ACOT6: variants seen among roughly 807,000 people sequenced by gnomAD.
ACOT6 encodes acyl-coenzyme A thioesterase 6.
Under a neutral mutation model 12.3 loss-of-function variants are expected in ACOT6, and 14 were observed. The ratio of observed to expected loss-of-function variants is 1.14; its 90% CI spans 0.75 to 1.78. The LOEUF is 1.78. ACOT6 is among the 40% of genes most tolerant of loss of function. ACOT6 has a pLI of 0.00. For missense variants in ACOT6, 523 were observed against 551.8 expected, an observed-to-expected ratio of 0.95 and a Z score of 0.52; for synonymous variants, 218 against 231.3, an observed-to-expected ratio of 0.94 and a Z score of 0.52.
chr14:73,617,275 TG>T, intron 2 of ACOT6, 83 bp downstream of exon 2: 1 of 1,565,538 alleles, frequency 6.4e-7, no homozygotes, highest in Non-Finnish European at 8.8e-7. Flanking sequence ...GCCAGAACAC[TG>T]AGAACTAGAA....
At chr14:73,618,208 A>G (rs993243077) in intron 2 of ACOT6, among the ~76,000 whole-genome samples, 14 of 151,986 alleles carry the variant, frequency 9.2e-5, no homozygotes, top group Admixed American at 2.6e-4. Flanking sequence ...AATTATATAT[A>G]CTCTTTGTTA....
At chr14:73,616,538 CAA>C (rs886977391) in intron 1 of ACOT6, among the ~76,000 whole-genome samples, 1 of 151,458 alleles carries the variant, frequency 6.6e-6, no homozygotes, top group Non-Finnish European at 1.5e-5. Flanking sequence ...ACTAAAAATA[CAA>C]AAAAAATTAG....
intron 1 of ACOT6, among the ~76,000 whole-genome samples, chr14:73,615,028 G>A (rs1369653551): frequency 6.7e-6 from 1 of 149,266 alleles, no homozygotes; most frequent in Non-Finnish European, 1.5e-5. Flanking sequence ...GGCAGAGGTT[G>A]CAGTGAGCCA....
intron 1 of ACOT6, among the ~76,000 whole-genome samples, chr14:73,613,882 T>C (rs187206633): frequency 2.0e-5 from 3 of 152,076 alleles, no homozygotes; most frequent in East Asian, 1.9e-4. Flanking sequence ...ATTCCTGACT[T>C]AAACCTCTAC....
intron 2 of ACOT6, among the ~76,000 whole-genome samples, chr14:73,618,188 T>C (rs116564031): frequency 0.015 from 2,261 of 152,186 alleles, 60 homozygotes; most frequent in African/African-American, 0.052. Flanking sequence ...TTTGGTATAA[T>C]TAAAAATGGA....
chr14:73,619,382 T>G lies in ACOT6; in HGVS notation c.809T>G (p.Met270Arg). The G allele has an allele frequency of 1.2e-6, 2 of 1,614,218 alleles. No homozygotes were observed. Among genetic ancestry groups the G allele is most frequent in the Non-Finnish European group, 1.7e-6 (2 of 1,180,038 alleles). Residue 270 changes from methionine to arginine, a missense_variant, in exon 3 of 3, where the codon ATG becomes AGG. Around this residue, in one of 2 missense-constraint regions of ACOT6, gnomAD observed 219 missense variants for 277.0 expected, o/e 0.79. Transcript: ENST00000645972. ...NTVAPLHYKDMIIPKLVDDLG... is the reference protein window; with the variant it reads ...NTVAPLHYKDRIIPKLVDDLG... ...GTAGCTCCTCTACATTACAAGGATA[T>G]GATTATTCCTAAACTTGTCGATGAT...
At position 73,612,763 on chromosome 14, in the gene ACOT6, C is replaced by T; in HGVS notation, c.192C>T (p.Arg64=). Residue 64 remains arginine (R), a synonymous_variant, in exon 1 of 3, where the codon CGC becomes CGT. Transcript: ENST00000645972. The stretch of plus-strand genomic sequence containing the variant: ...CCCGCGACGAGCTGGACCTGGAGCG[C>T]GCGCCCGCGCTGGGAGGCAGCTTCG... ...ADARDELDLE[R]APALGGSFAG... 1 of 1,371,920 alleles carries T rather than the reference C, an allele frequency of 7.3e-7. No individual in the cohort carries two copies. The highest frequency in any genetic ancestry group is 9.3e-7 in the Non-Finnish European group (1 of 1,070,636). The allele number at this position is 1,371,920 out of a possible 1,614,324, so 85.0% of individuals were successfully genotyped here.
chr14:73,618,762 C>A (rs1488898577), intron 2 of ACOT6, among the ~76,000 whole-genome samples: 3 of 152,168 alleles, frequency 2.0e-5, no homozygotes, highest in Non-Finnish European at 4.4e-5. Flanking sequence ...ACTAGGAAAT[C>A]AGTTGATTTG....
upstream of ACOT6, among the ~76,000 whole-genome samples, chr14:73,611,941 C>T (rs2139994496): frequency 1.3e-5 from 2 of 152,130 alleles, no homozygotes; most frequent in South Asian, 4.1e-4. Context: ...TTTTCAAAAT[C>T]TAGATTCTTG....
chr14:73,615,434 CG>C (rs1890522065), intron 1 of ACOT6, among the ~76,000 whole-genome samples: 1 of 105,116 alleles, frequency 9.5e-6, no homozygotes, highest in Non-Finnish European at 1.9e-5. Flanking sequence ...CCAGCAACAA[CG>C]AAAAAAAAAA....
In ACOT6 at chr14:73,619,503, A is replaced by G; in HGVS notation, c.930A>G (p.Pro310=). Residue 310 remains proline (P), a synonymous_variant, in exon 3 of 3, where the codon CCA becomes CCG. Transcript: ENST00000645972. ...AACACAATCACCAAAGTCTTGTTCC[A>G]TTGGAAAAGGCGCAGGTGCCCTTCT... ...LEEHNHQSLV[P]LEKAQVPFLF... The G allele has an allele frequency of 1.9e-6, 3 of 1,614,252 alleles. No individual in the cohort carries two copies. Among genetic ancestry groups the G allele is most frequent in the Non-Finnish European group, 2.5e-6 (3 of 1,180,044 alleles).
At position 73,612,555 on chromosome 14, in the gene ACOT6, G is replaced by A. The variant is rs1034808322; in HGVS notation, c.-17G>A. Reference sequence around the variant, plus strand: ...GACTCCGCGGAGCTGGGTCGCCCCTGTTCTACCCAGATTGGGATGGCAGCG... The same window carrying A: ...GACTCCGCGGAGCTGGGTCGCCCCTATTCTACCCAGATTGGGATGGCAGCG... On this transcript the variant is annotated 5_prime_UTR_variant, in exon 1 of 3. Coordinates refer to ENST00000645972, the MANE Select transcript of ACOT6 (RefSeq NM_001365788.1). 7.4e-7 allele frequency: 1 copy of A among 1,352,210 alleles called. No individual in the cohort carries two copies. Among genetic ancestry groups the A allele is most frequent in the South Asian group, 1.6e-5 (1 of 61,592 alleles). The allele number at this position is 1,352,210 out of a possible 1,614,324, so 83.8% of individuals were successfully genotyped here.
At chr14:73,618,334 C>T (rs552852678) in intron 2 of ACOT6, among the ~76,000 whole-genome samples, 3 of 146,388 alleles carry the variant, frequency 2.0e-5, no homozygotes, top group South Asian at 4.2e-4. Context: ...GAATTCTCTG[C>T]CAAACAGCTC....
Position 73,619,228 on chromosome 14 carries a change from C to G in ACOT6, c.661-6C>G. The G allele has an allele frequency of 6.5e-7, 1 of 1,542,030 alleles. No individual in the cohort carries two copies. The highest frequency in any genetic ancestry group is 8.7e-7 in the Non-Finnish European group (1 of 1,148,258). ...AGCTTGTTTTCCTTCTCTTTTTCCT[C>G]AACAGGTGAAAGGTCCTAGTATTGC... On this transcript the variant is annotated splice_polypyrimidine_tract_variant and splice_region_variant and intron_variant, in intron 2 of 2. Coordinates refer to ENST00000645972, the MANE Select transcript of ACOT6 (RefSeq NM_001365788.1).
At chr14:73,618,523 C>T (rs1890577741) in intron 2 of ACOT6, among the ~76,000 whole-genome samples, 1 of 148,250 alleles carries the variant, frequency 6.7e-6, no homozygotes, top group African/African-American at 2.6e-5. Context: ...TGACCTCTCC[C>T]CTATGTCACT....
intron 2 of ACOT6, among the ~76,000 whole-genome samples, chr14:73,618,203 T>C (rs1241474456): frequency 6.6e-6 from 1 of 152,098 alleles, no homozygotes; most frequent in African/African-American, 2.4e-5. Flanking sequence ...AATGGAATTA[T>C]ATATACTCTT....
intron 1 of ACOT6, among the ~76,000 whole-genome samples, chr14:73,614,335 C>T (rs1566870262): frequency 6.6e-6 from 1 of 152,190 alleles, no homozygotes; most frequent in African/African-American, 2.4e-5. Flanking sequence ...AGCCTTAACT[C>T]GTGGCTGCCC....
intron 1 of ACOT6, among the ~76,000 whole-genome samples, chr14:73,614,064 G>A (rs1259874876): frequency 6.7e-6 from 1 of 150,280 alleles, no homozygotes; most frequent in Non-Finnish European, 1.5e-5. Flanking sequence ...AGGCAGGCAT[G>A]GTGGTGCATG....
chr14:73,612,514 G>A, upstream of ACOT6: 3 of 1,143,252 alleles, frequency 2.6e-6, no homozygotes, highest in South Asian at 2.4e-5. Context: ...CGGCAAAGCC[G>A]CCAGGCCCGC....
Sources: allele counts gnomAD v4.1 joint callset (sites outside exome capture counted in the v4.1 genomes callset), GRCh38; gene constraint gnomAD v4.1.1; regional missense constraint gnomAD v4.1.1; transcripts MANE v1.5; gene names NCBI Gene and HGNC (gene_info 2026-07-23, HGNC 2026-07-21).